DIPK1A: variants seen among roughly 807,000 people sequenced by gnomAD.
DIPK1A encodes family with sequence similarity 69 member A.
A neutral mutation model predicts 40.8 loss-of-function variants in DIPK1A; 27 were observed. The ratio of observed to expected loss-of-function variants is 0.66; its 90% CI spans 0.49 to 0.91. The LOEUF is 0.91. Among genes scored for constraint, DIPK1A ranks in the 40% least tolerant of loss-of-function variants. The probability of loss-of-function intolerance (pLI) is 0.00; values close to 1 mark genes in which losing one functional copy is unlikely to be tolerated. For missense variants in DIPK1A, 412 were observed against 505.7 expected (o/e 0.81, Z 1.78); for synonymous variants, 166 against 171.3 (o/e 0.97, Z 0.24).
chr1:92,922,069 ATAC>A (rs1238680740), intron 1 of DIPK1A, among the ~76,000 whole-genome samples: 6 of 152,214 alleles, frequency 3.9e-5, no homozygotes, highest in African/African-American at 1.2e-4. Flanking sequence ...GTTTAAGCTA[ATAC>A]TACTATTTAA....
intron 1 of DIPK1A, among the ~76,000 whole-genome samples, chr1:92,886,254 C>T (rs566193111): frequency 6.6e-6 from 1 of 152,124 alleles, no homozygotes; most frequent in African/African-American, 2.4e-5. Context: ...ATTGCTTGAG[C>T]TGGGGAGATT....
chr1:92,840,436 T>G (rs1687309808), downstream of DIPK1A: 1 of 781,588 alleles, frequency 1.3e-6, no homozygotes, highest in South Asian at 1.5e-5. Context: ...CAACATTGAT[T>G]TAGTTTAGTT....
chr1:92,869,295 G>A (rs1209223842), intron 2 of DIPK1A, among the ~76,000 whole-genome samples: 1 of 151,750 alleles, frequency 6.6e-6, no homozygotes, highest in East Asian at 1.9e-4. Context: ...CAAGTAGCTG[G>A]GACTACAGGT....
At chr1:92,908,086 A>G (rs1649693783) in intron 1 of DIPK1A, among the ~76,000 whole-genome samples, 1 of 152,140 alleles carries the variant, frequency 6.6e-6, no homozygotes, top group Non-Finnish European at 1.5e-5. Context: ...AAGGACAAAA[A>G]CATTGGGGAA....
chr1:92,852,766 C>T (rs758828684), intron 2 of DIPK1A, among the ~76,000 whole-genome samples: 1 of 152,074 alleles, frequency 6.6e-6, no homozygotes, highest in Admixed American at 6.6e-5. Context: ...CTAGGCCAGG[C>T]GTGGTGGCTC....
chr1:92,958,232 A>G (rs1482823671), intron 1 of DIPK1A, among the ~76,000 whole-genome samples: 1 of 152,228 alleles, frequency 6.6e-6, no homozygotes, highest in Non-Finnish European at 1.5e-5. Flanking sequence ...GTAATGCCAC[A>G]GTTTTCCAAA....
intron 1 of DIPK1A, among the ~76,000 whole-genome samples, chr1:92,961,016 C>T (rs1409452063): frequency 1.3e-5 from 2 of 152,342 alleles, no homozygotes; most frequent in Admixed American, 6.5e-5. Context: ...GAGAAGGCGG[C>T]CCGTCGAGCT....
rs573650418 is a variant in DIPK1A, at chr1:92,843,021, A to G, written c.*362T>C. The G allele has an allele frequency of 1.0e-6, 1 of 999,632 alleles. No homozygotes were observed. Among genetic ancestry groups the G allele is most frequent in the African/African-American group, 1.7e-5 (1 of 57,816 alleles). 61.9% of individuals were successfully genotyped at this position (999,632 alleles called of 1,614,324 possible). ...ATTTTCTTGTTGAACAGCAGCTTCA[A>G]TGCAAACACAATGCTTCCAGCATTG... is the stretch of plus-strand genomic sequence containing the variant. On this transcript the variant is annotated 3_prime_UTR_variant, in exon 5 of 5. Transcript: ENST00000370310.
At chr1:92,910,841 G>A (rs1240965029) in intron 1 of DIPK1A, among the ~76,000 whole-genome samples, 1 of 151,934 alleles carries the variant, frequency 6.6e-6, no homozygotes, top group East Asian at 1.9e-4. Context: ...GGGGTGTAGG[G>A]GATGTATTTA....
intron 4 of DIPK1A, among the ~76,000 whole-genome samples, chr1:92,846,849 ATATATATATGTGTG>A (rs1356536352): frequency 5.6e-4 from 5 of 8,884 alleles, no homozygotes; most frequent in African/African-American, 2.2e-3. Flanking sequence ...ATATGTGTGT[ATATATATATGTGTG>A]TATATATATA....
intron 1 of DIPK1A, among the ~76,000 whole-genome samples, chr1:92,953,064 T>C (rs1271268708): frequency 1.3e-5 from 2 of 152,112 alleles, no homozygotes; most frequent in South Asian, 4.1e-4. Flanking sequence ...CAATAACACA[T>C]AACCCTGTTG....
chr1:92,875,814 A>G (rs1324109602), intron 2 of DIPK1A, among the ~76,000 whole-genome samples: 1 of 151,856 alleles, frequency 6.6e-6, no homozygotes, highest in Non-Finnish European at 1.5e-5. Flanking sequence ...AGAATTAATG[A>G]TCACTACTAG....
intron 1 of DIPK1A, among the ~76,000 whole-genome samples, chr1:92,954,974 C>T (rs1259542744): frequency 6.6e-6 from 1 of 152,142 alleles, no homozygotes; most frequent in Non-Finnish European, 1.5e-5. Context: ...AACTGTGGTA[C>T]ACCCAGACAA....
intron 3 of DIPK1A, among the ~76,000 whole-genome samples, chr1:92,847,675 ACT>A (rs1463311710): frequency 7.9e-5 from 12 of 152,192 alleles, no homozygotes; most frequent in African/African-American, 2.9e-4. Context: ...AGAATTAACT[ACT>A]ATTTAAGTAT....
chr1:92,955,926 C>T (rs1169714253), intron 1 of DIPK1A, among the ~76,000 whole-genome samples: 2 of 151,686 alleles, frequency 1.3e-5, no homozygotes, highest in Non-Finnish European at 2.9e-5. Flanking sequence ...CCTGTAGCTA[C>T]TCAGGAGGCT....
intron 1 of DIPK1A, among the ~76,000 whole-genome samples, chr1:92,955,337 T>C (rs1029899874): frequency 6.6e-5 from 10 of 152,160 alleles, no homozygotes; most frequent in South Asian, 6.2e-4. Flanking sequence ...CTATGGACTT[T>C]GGGTGATAAT....
At chr1:92,880,930 G>A (rs1007817411) in intron 1 of DIPK1A, among the ~76,000 whole-genome samples, 13 of 151,250 alleles carry the variant, frequency 8.6e-5, no homozygotes, top group South Asian at 2.1e-4. Context: ...GGTGGCTCAC[G>A]CTTGTAATCT....
intron 4 of DIPK1A, chr1:92,846,678 G>C (rs528657270): frequency 5.6e-6 from 2 of 356,006 alleles, no homozygotes; most frequent in South Asian, 2.1e-5. Flanking sequence ...GTCCAGGCTG[G>C]AGTGCAGTGG....
At chr1:92,839,175 A>G (rs1210731884), downstream of DIPK1A, among the ~76,000 whole-genome samples, 1 of 151,668 alleles carries the variant, frequency 6.6e-6, no homozygotes, top group Non-Finnish European at 1.5e-5. Context: ...CCTGGCCAAT[A>G]TGGTGAAACC....
Sources: gnomAD v4.1 joint callset for allele counts (sites outside exome capture counted in the v4.1 genomes callset) on GRCh38, gnomAD v4.1.1 for gene constraint, MANE v1.5 for transcripts, NCBI Gene and HGNC (gene_info 2026-07-23, HGNC 2026-07-21) for gene names.